Variants in ITGA4 observed in about 807,000 individuals in gnomAD.
ITGA4 encodes the protein integrin subunit alpha 4.
Under a neutral mutation model 133.6 loss-of-function variants are expected in ITGA4, and 63 were observed. The observed-to-expected ratio is 0.47, with a 90% CI of 0.38 to 0.58. The LOEUF (loss-of-function observed/expected upper bound fraction) is 0.58, where lower values mean the gene tolerates loss of function less well. Ranked by LOEUF, ITGA4 falls within the 20% of genes least tolerant of loss-of-function variation. ITGA4 has a pLI of 0.00. For synonymous variants in ITGA4, 483 were observed against 438.0 expected (o/e 1.10, Z -1.28); for missense variants, 1,076 against 1,252.7 (o/e 0.86, Z 2.13).
chr2:181,527,583 T>A (rs1297945409), intron 22 of ITGA4, 196 bp downstream of exon 22: 1 of 496,112 alleles, frequency 2.0e-6, no homozygotes, highest in African/African-American at 1.9e-5. Context: ...GTCCCTGATA[T>A]TCAAGCCCAT....
At chr2:181,493,976 G>A in intron 11 of ITGA4, among the ~76,000 whole-genome samples, 1 of 152,126 alleles carries the variant, frequency 6.6e-6, no homozygotes, top group East Asian at 1.9e-4. Context: ...TTTTTCCCTT[G>A]ATATTTGCAT....
In ITGA4 at chr2:181,537,603, A is replaced by T; in HGVS notation, c.*2076A>T. 1 of 430,636 alleles carries T rather than the reference A, an allele frequency of 2.3e-6. No homozygotes were observed. The highest frequency in any genetic ancestry group is 1.7e-5 in the South Asian group (1 of 59,142). 26.7% of individuals were successfully genotyped at this position (430,636 alleles called of 1,614,324 possible). On this transcript the variant is annotated 3_prime_UTR_variant, in exon 28 of 28. Coordinates refer to ENST00000397033, the MANE Select transcript of ITGA4 (RefSeq NM_000885.6). ...ATCTGTATTATATTTGTAACAGAATATAGGAAATTTAACATAATTGATGAG... is the reference window on the plus strand; with the variant it reads ...ATCTGTATTATATTTGTAACAGAATTTAGGAAATTTAACATAATTGATGAG...
intron 5 of ITGA4, 72 bp downstream of exon 5, chr2:181,478,896 C>A: frequency 1.4e-6 from 1 of 728,194 alleles, no homozygotes; most frequent in Non-Finnish European, 2.1e-6. Flanking sequence ...GTTTGGAAGA[C>A]TGATATGTTT....
At chr2:181,478,461 A>G (rs1264704931) in intron 4 of ITGA4, among the ~76,000 whole-genome samples, 1 of 152,076 alleles carries the variant, frequency 6.6e-6, no homozygotes, top group Non-Finnish European at 1.5e-5. Flanking sequence ...AAAAGAAAGC[A>G]TGGGCTCAAA....
intron 9 of ITGA4, among the ~76,000 whole-genome samples, chr2:181,483,935 G>T (rs1376245820): frequency 6.6e-6 from 1 of 152,046 alleles, no homozygotes; most frequent in East Asian, 1.9e-4. Flanking sequence ...TACCCACTTG[G>T]CTACCCTCCT....
At chr2:181,497,189 T>G (rs1254076913) in intron 14 of ITGA4, among the ~76,000 whole-genome samples, 3 of 152,210 alleles carry the variant, frequency 2.0e-5, no homozygotes, top group Non-Finnish European at 4.4e-5. Context: ...TAGATGACGC[T>G]CTTTCCTTTT....
At chr2:181,464,025 C>A (rs769693582) in intron 2 of ITGA4, among the ~76,000 whole-genome samples, 1 of 151,984 alleles carries the variant, frequency 6.6e-6, no homozygotes, top group Non-Finnish European at 1.5e-5. Context: ...CCAGTAGTTT[C>A]CAGAGGTCCC....
intron 15 of ITGA4, among the ~76,000 whole-genome samples, chr2:181,508,421 C>T (rs1438220701): frequency 2.6e-5 from 4 of 151,934 alleles, no homozygotes; most frequent in African/African-American, 4.8e-5. Flanking sequence ...AACGGCTGGG[C>T]GCGGTGGTTC....
intron 4 of ITGA4, among the ~76,000 whole-genome samples, chr2:181,476,838 G>A (rs547259305): frequency 1.3e-5 from 2 of 152,086 alleles, no homozygotes; most frequent in Non-Finnish European, 2.9e-5. Context: ...GGAGCTGGAG[G>A]CCAATAACCT....
chr2:181,509,257 A>G (rs1317397305), intron 15 of ITGA4, among the ~76,000 whole-genome samples: 1 of 151,760 alleles, frequency 6.6e-6, no homozygotes, highest in Admixed American at 6.6e-5. Context: ...AGAGATATAA[A>G]GAGAAAATGT....
chr2:181,517,215 A>C (rs188913092), intron 17 of ITGA4, among the ~76,000 whole-genome samples: 1 of 152,168 alleles, frequency 6.6e-6, no homozygotes, highest in East Asian at 1.9e-4. Flanking sequence ...ATGTATCTTG[A>C]CATAGTGAAG....
chr2:181,492,442 A>G (rs942290092), intron 10 of ITGA4, among the ~76,000 whole-genome samples: 3 of 152,234 alleles, frequency 2.0e-5, no homozygotes, highest in Non-Finnish European at 2.9e-5. Context: ...AATAAGTAAT[A>G]TCATGAAGAC....
intron 2 of ITGA4, among the ~76,000 whole-genome samples, chr2:181,471,931 C>A (rs185612611): frequency 6.6e-6 from 1 of 152,234 alleles, no homozygotes; most frequent in East Asian, 1.9e-4. Context: ...AAATAAAGTC[C>A]CAGGACTTTG....
At chr2:181,486,082 T>A (rs1685909531) in intron 10 of ITGA4, 90 bp downstream of exon 10, 2 of 1,474,764 alleles carry the variant, frequency 1.4e-6, no homozygotes, top group Non-Finnish European at 1.8e-6. Flanking sequence ...TTGTTTTCCT[T>A]CCTATAGAAG....
intron 25 of ITGA4, among the ~76,000 whole-genome samples, chr2:181,533,751 T>TTCTCA (rs1559059433): frequency 6.6e-6 from 1 of 152,190 alleles, no homozygotes; most frequent in Admixed American, 6.5e-5. Flanking sequence ...ACTAAATATA[T>TTCTCA]TCTCATCTCC....
rs1353686526 is a variant in ITGA4, at chr2:181,537,557, G to A, written c.*2030G>A. The A allele has an allele frequency of 6.8e-6, 3 of 438,740 alleles. No homozygotes were observed. Among genetic ancestry groups the A allele is most frequent in the Non-Finnish European group, 1.4e-5 (3 of 219,076 alleles). The allele number at this position is 438,740 out of a possible 1,614,324, so 27.2% of individuals were successfully genotyped here. A position where few individuals can be genotyped will look rare whatever the true frequency, so the allele number is the denominator to read the frequency against. On this transcript the variant is annotated 3_prime_UTR_variant, in exon 28 of 28. Transcript: ENST00000397033. ...TAACTGCTCTGGATTAGGGAGCAGT[G>A]AATCAAGGCAGACTTATGAAATCTG...
At chr2:181,468,377 G>C (rs544476534) in intron 2 of ITGA4, among the ~76,000 whole-genome samples, 6 of 152,274 alleles carry the variant, frequency 3.9e-5, no homozygotes, top group African/African-American at 1.2e-4. Context: ...TTATGCAGTA[G>C]TACATTCTAG....
chr2:181,492,116 G>T (rs1686059950), intron 10 of ITGA4, among the ~76,000 whole-genome samples: 1 of 152,122 alleles, frequency 6.6e-6, no homozygotes, highest in East Asian at 1.9e-4. Context: ...GCCCTGTTTT[G>T]CCAGCTCCTG....
At chr2:181,499,973 T>C (rs1686236000) in intron 15 of ITGA4, among the ~76,000 whole-genome samples, 1 of 152,188 alleles carries the variant, frequency 6.6e-6, no homozygotes, top group Non-Finnish European at 1.5e-5. Flanking sequence ...ATCATCAAAA[T>C]TGTACAGCTT....
Sources: gnomAD v4.1 joint callset for allele counts (sites outside exome capture counted in the v4.1 genomes callset) on GRCh38, gnomAD v4.1.1 for gene constraint, MANE v1.5 for transcripts, NCBI Gene and HGNC (gene_info 2026-07-23, HGNC 2026-07-21) for gene names.